The following INTS9 variants were observed in gnomAD, a reference collection of about 807,000 sequenced individuals.
INTS9 encodes the protein integrator complex subunit 9.
In INTS9, 55 loss-of-function variants were observed where a neutral mutation model predicts 79.7. That is an observed-to-expected ratio of 0.69 (90% CI 0.56 to 0.86). INTS9 has a LOEUF of 0.86. Ranked by LOEUF, INTS9 falls within the 40% of genes least tolerant of loss-of-function variation. The probability of loss-of-function intolerance (pLI) is 0.00; values close to 1 mark genes in which losing one functional copy is unlikely to be tolerated. For missense variants in INTS9, 721 were observed against 831.5 expected (o/e 0.87, Z 1.64); for synonymous variants, 319 against 325.2 (o/e 0.98, Z 0.20).
chr8:28,805,377 A>G (rs1426812915), intron 8 of INTS9, among the ~76,000 whole-genome samples: 1 of 152,238 alleles, frequency 6.6e-6, no homozygotes, highest in Non-Finnish European at 1.5e-5. Context: ...GACATTCTTA[A>G]TAATTCAAGG....
chr8:28,827,340 AGCAGCACACTTTT>A (rs1806208948), intron 6 of INTS9, among the ~76,000 whole-genome samples: 1 of 152,206 alleles, frequency 6.6e-6, no homozygotes, highest in African/African-American at 2.4e-5. Flanking sequence ...TGCCAGCAAA[AGCAGCACACTTTT>A]GTGTTTTTAT....
intron 1 of INTS9, 99 bp downstream of exon 1, chr8:28,889,775 C>T (rs1226692359): frequency 1.5e-6 from 2 of 1,343,886 alleles, no homozygotes; most frequent in South Asian, 1.3e-5. Context: ...ATAATTGCTA[C>T]CCCTCCCGTG....
chr8:28,796,637 G>C lies in INTS9; in HGVS notation c.763C>G (p.Leu255Val), dbSNP rs761066475. ...THPQPMDQASLKNSDVLVLTG... is the reference protein window; with the variant it reads ...THPQPMDQASVKNSDVLVLTG... ...AGAACAAGAACATCGCTGTTTTTGAGAGAAGCTTGGTCCATGGGCTGAAAA... is the reference window on the plus strand; with the variant it reads ...AGAACAAGAACATCGCTGTTTTTGACAGAAGCTTGGTCCATGGGCTGAAAA... The change falls in exon 9 of 17, where the codon CTC becomes GTC. Residue 255 changes from leucine to valine, a missense_variant. By Grantham distance (32) the Leu-to-Val change is conservative. Coordinates refer to ENST00000521022, the MANE Select transcript of INTS9 (RefSeq NM_018250.4). 6.2e-7 allele frequency: 1 copy of C among 1,613,078 alleles called. No individual in the cohort carries two copies. The highest frequency in any genetic ancestry group is 1.1e-5 in the South Asian group (1 of 91,040).
rs552664804 is a variant in INTS9, at chr8:28,787,245, A to C, written c.1098+584T>G. On this transcript the variant is annotated intron_variant, in intron 11 of 16. Coordinates refer to ENST00000521022, the MANE Select transcript of INTS9 (RefSeq NM_018250.4). ...CCCATTTGTTCTGTGAGGGAGGAAG[A>C]AGCCTTTTATTTGTTGAACTGAAAT... Among the ~76,000 whole-genome samples the C allele has an allele frequency of 2.2e-3, 328 of 152,340 alleles. 2 individuals are homozygous for C. The highest frequency in any genetic ancestry group is 2.2e-3 in the Non-Finnish European group (147 of 68,026).
rs757570616 is a variant in INTS9, at chr8:28,857,826, A to G, written c.137+1610T>C. Among the ~76,000 whole-genome samples, 44 of 152,234 alleles carry G rather than the reference A, an allele frequency of 2.9e-4. 1 individual carries two copies. Among genetic ancestry groups the G allele is most frequent in the Admixed American group, 2.4e-3 (37 of 15,288 alleles). On this transcript the variant is annotated intron_variant, in intron 2 of 16. Coordinates refer to ENST00000521022, the MANE Select transcript of INTS9 (RefSeq NM_018250.4). ...ACAATAAATATGTACTTATAATGTA[A>G]TAAGTGCTACGAAGACAAAGCAGCT...
chr8:28,768,518 C>G (rs1802340315), intron 16 of INTS9, 196 bp from the exon 17 acceptor site: 1 of 604,760 alleles, frequency 1.7e-6, no homozygotes, highest in East Asian at 2.8e-5. Flanking sequence ...AAAGCTCATG[C>G]AAAACAACAG....
chr8:28,874,013 C>T (rs1333231967), intron 1 of INTS9, among the ~76,000 whole-genome samples: 1 of 152,184 alleles, frequency 6.6e-6, no homozygotes, highest in Non-Finnish European at 1.5e-5. Flanking sequence ...CTTCCGAGGT[C>T]TTCTGCAAAG....
chr8:28,791,176 CTT>C (rs753650593), intron 10 of INTS9, among the ~76,000 whole-genome samples: 10 of 152,156 alleles, frequency 6.6e-5, no homozygotes, highest in Non-Finnish European at 4.4e-5. Context: ...TGCAAAGACT[CTT>C]GTCTTGTACT....
chr8:28,833,817 G>A (rs1190480573), intron 6 of INTS9, among the ~76,000 whole-genome samples: 1 of 152,072 alleles, frequency 6.6e-6, no homozygotes, highest in Admixed American at 6.5e-5. Context: ...TATCCACAGG[G>A]GTACTCTGTT....
At chr8:28,878,812 TCTA>T (rs753868806) in intron 1 of INTS9, among the ~76,000 whole-genome samples, 8 of 151,872 alleles carry the variant, frequency 5.3e-5, no homozygotes, top group Non-Finnish European at 1.0e-4. Flanking sequence ...AAACCCTGTC[TCTA>T]CTAAAAATAC....
At chr8:28,788,642 C>T (rs1428793483) in intron 10 of INTS9, among the ~76,000 whole-genome samples, 3 of 152,208 alleles carry the variant, frequency 2.0e-5, no homozygotes, top group Admixed American at 6.5e-5. Flanking sequence ...TGGTCTCAAA[C>T]TGCTGACCTC....
At chr8:28,820,063 G>T (rs1267759759) in intron 6 of INTS9, among the ~76,000 whole-genome samples, 1 of 152,114 alleles carries the variant, frequency 6.6e-6, no homozygotes, top group African/African-American at 2.4e-5. Context: ...CGTAAGATGG[G>T]TTTCCTGAAT....
In INTS9 at chr8:28,793,942, G is replaced by C. The variant is rs751934272; in HGVS notation, c.902C>G (p.Pro301Arg). ...NGGNVLVPCY[P>R]SGVIYDLLEC... ...CAGGAGGTCATAGATCACTCCAGAA[G>C]GGTAGCAGGGAACCAACACGTTTCC... The change falls in exon 10 of 17, where the codon CCT (proline) becomes CGT (arginine). Residue 301 changes from proline to arginine, a missense_variant. By Grantham distance (103) the Pro-to-Arg change is moderately radical. This residue lies in a region of INTS9 where 149 missense variants were observed against 223.7 expected (regional missense o/e 0.67). Coordinates refer to ENST00000521022, the MANE Select transcript of INTS9 (RefSeq NM_018250.4). 8.1e-6 allele frequency: 13 copies of C among 1,610,876 alleles called. No individual in the cohort carries two copies. Among genetic ancestry groups the C allele is most frequent in the Non-Finnish European group, 1.1e-5 (13 of 1,178,086 alleles).
intron 1 of INTS9, among the ~76,000 whole-genome samples, chr8:28,867,834 G>C (rs141767968): frequency 1.3e-5 from 2 of 152,012 alleles, no homozygotes; most frequent in East Asian, 3.9e-4. Flanking sequence ...TGTTTATTAG[G>C]TATCGGGTAC....
intron 3 of INTS9, among the ~76,000 whole-genome samples, chr8:28,849,520 T>C (rs1370356399): frequency 6.6e-6 from 1 of 152,040 alleles, no homozygotes; most frequent in Non-Finnish European, 1.5e-5. Flanking sequence ...TCTATAAAGA[T>C]TGTCCATTCT....
chr8:28,856,592 T>G (rs1461735030), intron 2 of INTS9, among the ~76,000 whole-genome samples: 5 of 152,212 alleles, frequency 3.3e-5, no homozygotes, highest in African/African-American at 1.2e-4. Flanking sequence ...CTAGCTAATT[T>G]TAAAATTTTT....
intron 6 of INTS9, among the ~76,000 whole-genome samples, chr8:28,832,539 G>A (rs1287506286): frequency 6.6e-6 from 1 of 152,354 alleles, no homozygotes; most frequent in East Asian, 1.9e-4. Context: ...CAGCAAATGG[G>A]TTAGGAGTAT....
intron 2 of INTS9, among the ~76,000 whole-genome samples, chr8:28,858,845 G>C (rs972245420): frequency 1.7e-4 from 26 of 152,134 alleles, no homozygotes; most frequent in African/African-American, 6.3e-4. Context: ...GCTTCAACAA[G>C]GTAGCCACTT....
intron 7 of INTS9, among the ~76,000 whole-genome samples, 170 bp from the exon 8 acceptor site, chr8:28,812,631 G>A (rs1385084782): frequency 6.6e-6 from 1 of 152,196 alleles, no homozygotes; most frequent in African/African-American, 2.4e-5. Context: ...AGCACTTTGG[G>A]AGGCTGAGGC....
Sources: allele counts gnomAD v4.1 joint callset (sites outside exome capture counted in the v4.1 genomes callset), GRCh38; gene constraint gnomAD v4.1.1; regional missense constraint gnomAD v4.1.1; transcripts MANE v1.5; gene names NCBI Gene and HGNC (gene_info 2026-07-23, HGNC 2026-07-21).